The following SUPT3H variants were observed in gnomAD, a reference collection of about 807,000 sequenced individuals.
SUPT3H encodes SPT3 homolog, SAGA and STAGA complex component, also known as transcription initiation protein SPT3 homolog.
A neutral mutation model predicts 44.3 loss-of-function variants in SUPT3H; 44 were observed. The ratio of observed to expected loss-of-function variants is 0.99; its 90% CI spans 0.78 to 1.28. The LOEUF is 1.28. Among genes scored for constraint, SUPT3H ranks in the 50% most tolerant of loss-of-function variants. The pLI, the probability that SUPT3H is intolerant of heterozygous loss-of-function variation, is 0.00. For synonymous variants in SUPT3H, 124 were observed against 125.6 expected (o/e 0.99, Z 0.09); for missense variants, 380 against 387.1 (o/e 0.98, Z 0.15).
At chr6:45,183,834 A>T (rs1584108783) in intron 2 of SUPT3H, among the ~76,000 whole-genome samples, 1 of 152,354 alleles carries the variant, frequency 6.6e-6, no homozygotes, top group African/African-American at 2.4e-5. Context: ...TGAAAAGGAT[A>T]CCTACTGTAT....
chr6:45,049,225 G>C (rs76997323), intron 3 of SUPT3H, among the ~76,000 whole-genome samples: 10,570 of 152,136 alleles, frequency 0.069, 1,235 homozygotes, highest in African/African-American at 0.24. Flanking sequence ...AGGATGCCAA[G>C]AGTTCAGCCA....
intron 6 of SUPT3H, among the ~76,000 whole-genome samples, chr6:44,975,193 A>AC (rs58290992): frequency 6.7e-6 from 1 of 148,976 alleles, no homozygotes; most frequent in Non-Finnish European, 1.5e-5. Flanking sequence ...AAACAAACAA[A>AC]AAAGACGACC....
chr6:44,961,805 A>G lies in SUPT3H; in HGVS notation c.528T>C (p.Ile176=). Reference sequence around the variant, plus strand: ...ATTCTGCATATTGAGCTGAATCCATAATTCGAGTTTGTCTTTCTGCTCTCT... The same window carrying G: ...ATTCTGCATATTGAGCTGAATCCATGATTCGAGTTTGTCTTTCTGCTCTCT... ...RMERAERQTR[I]MDSAQYAEFC... Residue 176 remains isoleucine, a synonymous_variant, in exon 7 of 11, where the codon ATT becomes ATC. Transcript: ENST00000371459. The G allele has an allele frequency of 6.2e-7, 1 of 1,606,982 alleles. No homozygotes were observed. The highest frequency in any genetic ancestry group is 8.5e-7 in the Non-Finnish European group (1 of 1,177,904).
At chr6:45,372,021 T>C (rs1316874141) in intron 1 of SUPT3H, 1 of 953,260 alleles carries the variant, frequency 1.0e-6, no homozygotes, top group Non-Finnish European at 1.2e-6. Flanking sequence ...CATCAAAGAA[T>C]ATACAAATAA....
intron 2 of SUPT3H, among the ~76,000 whole-genome samples, chr6:45,295,870 C>T (rs1278190277): frequency 6.6e-6 from 1 of 152,126 alleles, no homozygotes; most frequent in South Asian, 2.1e-4. Context: ...CACTTCTACA[C>T]TGCTGGTGGG....
intron 3 of SUPT3H, among the ~76,000 whole-genome samples, chr6:45,076,291 C>T (rs1322872811): frequency 6.6e-6 from 1 of 152,136 alleles, no homozygotes; most frequent in African/African-American, 2.4e-5. Flanking sequence ...TTCAGACATA[C>T]AGTCATGTGA....
intron 2 of SUPT3H, among the ~76,000 whole-genome samples, chr6:45,288,557 A>G (rs1432763414): frequency 0.036 from 394 of 10,924 alleles, 5 homozygotes; most frequent in South Asian, 0.1. Flanking sequence ...GTATATATAT[A>G]TATATATGTA....
At chr6:45,371,777 A>C in intron 1 of SUPT3H, 2 of 950,340 alleles carry the variant, frequency 2.1e-6, no homozygotes, top group Non-Finnish European at 2.5e-6. Flanking sequence ...ATAAGCAACT[A>C]TAACAGACAA....
At chr6:44,918,213 C>T (rs1434203496) in intron 10 of SUPT3H, among the ~76,000 whole-genome samples, 1 of 152,122 alleles carries the variant, frequency 6.6e-6, no homozygotes, top group Non-Finnish European at 1.5e-5. Flanking sequence ...CAAGAAACAT[C>T]ATGAAACTCA....
intron 2 of SUPT3H, among the ~76,000 whole-genome samples, chr6:45,281,698 C>G (rs1365520957): frequency 6.6e-6 from 1 of 152,182 alleles, no homozygotes; most frequent in Non-Finnish European, 1.5e-5. Context: ...CAGCAGAAAC[C>G]TCTGCACACT....
intron 2 of SUPT3H, among the ~76,000 whole-genome samples, chr6:45,194,548 ATTGG>A (rs934956829): frequency 3.9e-5 from 6 of 152,294 alleles, no homozygotes; most frequent in South Asian, 2.1e-4. Flanking sequence ...CTATGACTAA[ATTGG>A]TTGAAGTAAA....
At chr6:44,840,019 C>T (rs1002077722) in intron 10 of SUPT3H, among the ~76,000 whole-genome samples, 3 of 152,208 alleles carry the variant, frequency 2.0e-5, no homozygotes, top group African/African-American at 7.2e-5. Flanking sequence ...TTTTTGACTA[C>T]TGAATTAAGA....
At chr6:44,933,193 GA>G (rs753164624) in intron 9 of SUPT3H, among the ~76,000 whole-genome samples, 7 of 152,072 alleles carry the variant, frequency 4.6e-5, no homozygotes, top group African/African-American at 7.2e-5. Context: ...AACTTAAAAT[GA>G]AAAATGTTAA....
chr6:44,942,742 C>G (rs558041740), intron 9 of SUPT3H, among the ~76,000 whole-genome samples: 13 of 152,120 alleles, frequency 8.5e-5, no homozygotes, highest in African/African-American at 2.2e-4. Context: ...AAATCTTTTA[C>G]TAACCCCTAA....
chr6:45,106,302 T>C (rs1799268353), intron 2 of SUPT3H, among the ~76,000 whole-genome samples: 1 of 152,078 alleles, frequency 6.6e-6, no homozygotes, highest in South Asian at 2.1e-4. Context: ...AGCAGTGGCA[T>C]GTGCCTATAG....
chr6:45,310,267 C>T (rs959508356), intron 2 of SUPT3H, among the ~76,000 whole-genome samples: 1 of 152,072 alleles, frequency 6.6e-6, no homozygotes. Flanking sequence ...CCACAGTAGC[C>T]ACAGCAAGAC....
chr6:44,944,074 C>T (rs1047038605), intron 9 of SUPT3H, among the ~76,000 whole-genome samples: 4 of 151,544 alleles, frequency 2.6e-5, no homozygotes, highest in African/African-American at 9.7e-5. Context: ...TTATTTAAGA[C>T]AAAAATTATG....
rs532917804 is a variant in SUPT3H at position 45,171,102 on chromosome 6, T to TA, written c.102-65097dup. On this transcript the variant is annotated intron_variant, in intron 2 of 10. Coordinates refer to ENST00000371459, the MANE Select transcript of SUPT3H (RefSeq NM_003599.4). ...ACTGGTTCTATAAATAGCAAAATGT[T>TA]ATAAGCATGTTAGCTACTGGTGTAT... Among the ~76,000 whole-genome samples the TA allele has an allele frequency of 5.4e-4, 83 of 152,322 alleles. 1 individual carries two copies. Among genetic ancestry groups the TA allele is most frequent in the African/African-American group, 2.0e-3 (82 of 41,580 alleles).
intron 2 of SUPT3H, among the ~76,000 whole-genome samples, chr6:45,112,442 ACGGAAT>A (rs1284938033): frequency 6.6e-6 from 1 of 152,122 alleles, no homozygotes; most frequent in African/African-American, 2.4e-5. Flanking sequence ...ACATATTATC[ACGGAAT>A]TTTACATTAT....
Sources: allele counts gnomAD v4.1 joint callset (sites outside exome capture counted in the v4.1 genomes callset), GRCh38; gene constraint gnomAD v4.1.1; transcripts MANE v1.5; gene names NCBI Gene and HGNC (gene_info 2026-07-23, HGNC 2026-07-21).